Variants in SUPT3H observed in about 807,000 individuals in gnomAD.
The protein encoded by SUPT3H is SPT3 homolog, SAGA and STAGA complex component.
Under a neutral mutation model 44.3 loss-of-function variants are expected in SUPT3H, and 44 were observed. That is an observed-to-expected ratio of 0.99 (90% CI 0.78 to 1.28). The LOEUF is 1.28. Among genes scored for constraint, SUPT3H ranks in the 50% most tolerant of loss-of-function variants. The pLI is 0.00. For synonymous variants in SUPT3H, 124 were observed against 125.6 expected (o/e 0.99, Z 0.09); for missense variants, 380 against 387.1 (o/e 0.98, Z 0.15).
intron 2 of SUPT3H, among the ~76,000 whole-genome samples, chr6:45,208,896 T>A: frequency 2.5e-5 from 1 of 39,530 alleles, no homozygotes; most frequent in Non-Finnish European, 4.7e-5. Context: ...TACCCTCTTG[T>A]TAGGGGCTCA....
intron 7 of SUPT3H, 58 bp from the exon 8 acceptor site, chr6:44,954,665 G>A: frequency 1.1e-6 from 1 of 931,174 alleles, no homozygotes; most frequent in Non-Finnish European, 1.7e-6. Context: ...TTTTAATACT[G>A]CACATTACTA....
chr6:44,895,369 A>T (rs7754378), intron 10 of SUPT3H, among the ~76,000 whole-genome samples: 1 of 151,156 alleles, frequency 6.6e-6, no homozygotes, highest in Non-Finnish European at 1.5e-5. Flanking sequence ...GATTACAGGC[A>T]CACAGTACCA....
chr6:45,368,062 G>GCAC (rs2150293945), intron 1 of SUPT3H, among the ~76,000 whole-genome samples: 1 of 151,514 alleles, frequency 6.6e-6, no homozygotes, highest in East Asian at 2.0e-4. Context: ...AAAAGCAGAA[G>GCAC]CACTCAAGTC....
chr6:44,844,747 A>G (rs1771585207), intron 10 of SUPT3H, among the ~76,000 whole-genome samples: 2 of 152,214 alleles, frequency 1.3e-5, no homozygotes, highest in South Asian at 4.1e-4. Flanking sequence ...GTAGGGGTAG[A>G]GGACTGACTA....
In SUPT3H at chr6:44,917,782, A is replaced by G. The variant is rs150780145; in HGVS notation, c.912+14871T>C. On this transcript the variant is annotated intron_variant, in intron 10 of 10. Coordinates refer to ENST00000371459, the MANE Select transcript of SUPT3H (RefSeq NM_003599.4). ...GCTGTGTAATCCAAGTATTTTAAAT[A>G]CTTCCACACCATTTCCAGTACAATC... Among the ~76,000 whole-genome samples the G allele has an allele frequency of 8.5e-5, 13 of 152,336 alleles. No individual in the cohort carries two copies. In the East Asian group the frequency reaches 2.5e-3, roughly 29 times the overall value.
chr6:45,237,827 A>T (rs1015354667), intron 2 of SUPT3H, among the ~76,000 whole-genome samples: 1 of 152,162 alleles, frequency 6.6e-6, no homozygotes, highest in Non-Finnish European at 1.5e-5. Context: ...AATCAGGTAA[A>T]TGGAGAATGT....
At chr6:45,039,601 G>A (rs1421338806) in intron 3 of SUPT3H, among the ~76,000 whole-genome samples, 1 of 151,992 alleles carries the variant, frequency 6.6e-6, no homozygotes, top group Admixed American at 6.6e-5. Flanking sequence ...CCAACACGGT[G>A]AAACCCTGTC....
At chr6:45,322,682 A>G (rs567558003) in intron 2 of SUPT3H, among the ~76,000 whole-genome samples, 2 of 152,304 alleles carry the variant, frequency 1.3e-5, no homozygotes, top group South Asian at 4.1e-4. Context: ...ACTGAAACCA[A>G]TGAAAAATCT....
At chr6:45,078,520 T>C (rs918442211) in intron 3 of SUPT3H, among the ~76,000 whole-genome samples, 5 of 152,206 alleles carry the variant, frequency 3.3e-5, no homozygotes, top group African/African-American at 1.2e-4. Context: ...TACTTTCACA[T>C]GTTTTCATTA....
intron 4 of SUPT3H, 132 bp downstream of exon 4, chr6:45,020,414 T>C: frequency 1.6e-6 from 1 of 628,268 alleles, no homozygotes; most frequent in Non-Finnish European, 2.6e-6. Flanking sequence ...GTCCAAACCA[T>C]GAAGACTAAA....
At chr6:45,009,266 T>C (rs1783137539) in intron 5 of SUPT3H, among the ~76,000 whole-genome samples, 1 of 152,210 alleles carries the variant, frequency 6.6e-6, no homozygotes, top group Non-Finnish European at 1.5e-5. Flanking sequence ...ATAAAACTTT[T>C]AAAATTGATC....
At chr6:45,143,517 CA>C (rs1371161775) in intron 2 of SUPT3H, among the ~76,000 whole-genome samples, 3 of 151,928 alleles carry the variant, frequency 2.0e-5, no homozygotes, top group Non-Finnish European at 4.4e-5. Context: ...ATAACAGTGA[CA>C]AAACTCATCA....
At chr6:45,119,195 T>C (rs983790501) in intron 2 of SUPT3H, among the ~76,000 whole-genome samples, 1 of 152,196 alleles carries the variant, frequency 6.6e-6, no homozygotes, top group African/African-American at 2.4e-5. Flanking sequence ...GATGCTTCCA[T>C]AGCACTCTTC....
rs144629263 is a variant in SUPT3H at position 44,978,889 on chromosome 6, A to T, written c.505-17061T>A. Among the ~76,000 whole-genome samples, 749 of 152,322 alleles carry T rather than the reference A, an allele frequency of 4.9e-3. 6 individuals carry two copies. The highest frequency in any genetic ancestry group is 0.017 in the African/African-American group (705 of 41,588). On this transcript the variant is annotated intron_variant, in intron 6 of 10. Coordinates refer to ENST00000371459, the MANE Select transcript of SUPT3H (RefSeq NM_003599.4). ...ATGCAGATTAGAAACAAAACAAAACATGGACAACATTGAAATAAGTAACAG... is the reference window on the plus strand; with the variant it reads ...ATGCAGATTAGAAACAAAACAAAACTTGGACAACATTGAAATAAGTAACAG...
intron 6 of SUPT3H, among the ~76,000 whole-genome samples, chr6:44,963,666 G>A (rs1041339988): frequency 2.0e-5 from 3 of 152,106 alleles, no homozygotes; most frequent in African/African-American, 7.2e-5. Context: ...AAAATAGGAA[G>A]CAAGAAAGGG....
At chr6:45,292,308 T>A (rs911405563) in intron 2 of SUPT3H, among the ~76,000 whole-genome samples, 1 of 151,982 alleles carries the variant, frequency 6.6e-6, no homozygotes, top group African/African-American at 2.4e-5. Context: ...TTGAAATAAA[T>A]CCTGGAAGCA....
At chr6:45,040,619 G>A (rs982846201) in intron 3 of SUPT3H, among the ~76,000 whole-genome samples, 38 of 152,214 alleles carry the variant, frequency 2.5e-4, no homozygotes, top group African/African-American at 8.7e-4. Flanking sequence ...GCTTTTCAAA[G>A]AGAAATTCAT....
chr6:44,911,308 T>G (rs770963962), intron 10 of SUPT3H, among the ~76,000 whole-genome samples: 1 of 151,980 alleles, frequency 6.6e-6, no homozygotes, highest in Non-Finnish European at 1.5e-5. Flanking sequence ...AAGGTCAAAT[T>G]TGGTATATAT....
chr6:45,122,931 G>GT (rs1169598674), intron 2 of SUPT3H, among the ~76,000 whole-genome samples: 1 of 152,106 alleles, frequency 6.6e-6, no homozygotes, highest in Non-Finnish European at 1.5e-5. Context: ...TCATTAACAT[G>GT]TTTGAGAACC....
Sources: allele counts gnomAD v4.1 joint callset (sites outside exome capture counted in the v4.1 genomes callset), GRCh38; gene constraint gnomAD v4.1.1; transcripts MANE v1.5; gene names NCBI Gene and HGNC (gene_info 2026-07-23, HGNC 2026-07-21).